The following LGR4 variants were observed in gnomAD, a reference collection of about 807,000 sequenced individuals.
LGR4 encodes the protein leucine rich repeat containing G protein-coupled receptor 4.
In LGR4, 44 loss-of-function variants were observed where a neutral mutation model predicts 84.8. The observed-to-expected ratio is 0.52, with a 90% CI of 0.41 to 0.67. The LOEUF (loss-of-function observed/expected upper bound fraction) is 0.67. LGR4 is among the 30% of genes least tolerant of loss of function. The pLI is 0.00. For missense variants in LGR4, 1,032 were observed against 1,131.4 expected (o/e 0.91, Z 1.26); for synonymous variants, 429 against 434.3 (o/e 0.99, Z 0.15).
Position 27,368,231 on chromosome 11 carries a change from C to T in LGR4, c.2492G>A (p.Ser831Asn), listed in dbSNP as rs760361424. ...KKSGSVSVSISSQGGCLEQDF... is the reference protein window; with the variant it reads ...KKSGSVSVSINSQGGCLEQDF... Reference sequence around the variant, plus strand: ...CTGTTCCAGACAACCACCTTGGCTACTGATGGAAACTGAAACTGATCCACT... The same window carrying T: ...CTGTTCCAGACAACCACCTTGGCTATTGATGGAAACTGAAACTGATCCACT... The change falls in exon 18 of 18, where the codon AGT becomes AAT. Residue 831 changes from serine (S) to asparagine (N), a missense_variant. Coordinates refer to ENST00000379214, the MANE Select transcript of LGR4 (RefSeq NM_018490.5). The T allele has an allele frequency of 1.2e-6, 2 of 1,614,256 alleles. No homozygotes were observed. The highest frequency in any genetic ancestry group is 2.2e-5 in the South Asian group (2 of 91,092).
At chr11:27,432,406 T>C (rs1864130445) in intron 1 of LGR4, among the ~76,000 whole-genome samples, 2 of 152,030 alleles carry the variant, frequency 1.3e-5, no homozygotes, top group African/African-American at 2.4e-5. Flanking sequence ...GGATAAGGAG[T>C]ACAGGAGACT....
At chr11:27,467,653 T>C (rs1864803720) in intron 1 of LGR4, among the ~76,000 whole-genome samples, 1 of 152,094 alleles carries the variant, frequency 6.6e-6, no homozygotes, top group Non-Finnish European at 1.5e-5. Context: ...TTTTACAGAT[T>C]TACAGATGAG....
chr11:27,426,054 G>A (rs966810036), intron 1 of LGR4, among the ~76,000 whole-genome samples: 2 of 152,190 alleles, frequency 1.3e-5, no homozygotes, highest in Middle Eastern at 3.2e-3. Flanking sequence ...AGTAATAGTA[G>A]TAAGTACTTA....
chr11:27,383,122 G>A (rs1008900674), intron 6 of LGR4, among the ~76,000 whole-genome samples: 1 of 152,174 alleles, frequency 6.6e-6, no homozygotes, highest in Non-Finnish European at 1.5e-5. Context: ...TTTTACATTA[G>A]TTAGGAGAAA....
chr11:27,425,743 G>A (rs769750531), intron 1 of LGR4, among the ~76,000 whole-genome samples: 1 of 152,166 alleles, frequency 6.6e-6, no homozygotes, highest in Non-Finnish European at 1.5e-5. Context: ...GGTGGGTTGT[G>A]ATGGGAAGAG....
At chr11:27,393,378 C>T (rs760859125) in intron 2 of LGR4, among the ~76,000 whole-genome samples, 1 of 152,066 alleles carries the variant, frequency 6.6e-6, no homozygotes, top group Non-Finnish European at 1.5e-5. Flanking sequence ...AAACACAGGA[C>T]TCTCCTGGGT....
At chr11:27,422,996 A>T (rs1863950406) in intron 1 of LGR4, among the ~76,000 whole-genome samples, 1 of 152,182 alleles carries the variant, frequency 6.6e-6, no homozygotes, top group Middle Eastern at 3.2e-3. Context: ...ATACATTAAC[A>T]TCGTGACATT....
At chr11:27,469,716 T>C (rs956369584) in intron 1 of LGR4, among the ~76,000 whole-genome samples, 2 of 152,250 alleles carry the variant, frequency 1.3e-5, no homozygotes, top group Non-Finnish European at 2.9e-5. Context: ...CAGAGGTTTT[T>C]GGTTCACATG....
intron 1 of LGR4, among the ~76,000 whole-genome samples, chr11:27,449,755 C>T (rs756741993): frequency 2.0e-5 from 3 of 152,084 alleles, no homozygotes; most frequent in African/African-American, 4.8e-5. Context: ...ATTCAAAGGA[C>T]GTATGTCTAT....
intron 1 of LGR4, among the ~76,000 whole-genome samples, chr11:27,456,726 G>T (rs1864582463): frequency 6.6e-6 from 1 of 152,184 alleles, no homozygotes; most frequent in South Asian, 2.1e-4. Context: ...CATGGGAAAT[G>T]ATGTGAAAGC....
intron 1 of LGR4, among the ~76,000 whole-genome samples, chr11:27,439,897 TTC>T (rs1356657269): frequency 3.7e-4 from 54 of 145,968 alleles, no homozygotes; most frequent in South Asian, 1.1e-3. Context: ...GAGGTAGGAT[TTC>T]TCTTTTTTTT....
chr11:27,385,276 G>A lies in LGR4; in HGVS notation c.594C>T (p.Thr198=). 6.3e-7 allele frequency: 1 copy of A among 1,583,618 alleles called. No individual in the cohort carries two copies. Among genetic ancestry groups the A allele is most frequent in the Non-Finnish European group, 8.6e-7 (1 of 1,162,606 alleles). The part of the protein sequence containing the change: ...KISSIPDFAF[T]NLSSLVVLHL... ...ACAGAACTACCAGGCTTGAAAGGTT[G>A]GTAAATGCAAAGTCAGGGATGCTTG... The change falls in exon 5 of 18, where the codon ACC becomes ACT. Residue 198 remains threonine (T), a synonymous_variant. Transcript: ENST00000379214.
chr11:27,409,558 T>C (rs886536920), intron 2 of LGR4, among the ~76,000 whole-genome samples: 3 of 152,132 alleles, frequency 2.0e-5, no homozygotes, highest in African/African-American at 4.8e-5. Flanking sequence ...GCAAAAACCC[T>C]AGTCTCATTC....
At position 27,376,343 on chromosome 11, in the gene LGR4, T is replaced by C. The variant is rs1376065791; in HGVS notation, c.1137A>G (p.Gln379=). ...GGCCTTGAAAGGTGCCTTCCTTTATTTGGTAGATTTGATTACGCTGTAAAG... is the reference window on the plus strand; with the variant it reads ...GGCCTTGAAAGGTGCCTTCCTTTATCTGGTAGATTTGATTACGCTGTAAAG... ...EISLQRNQIY[Q]IKEGTFQGLI... is the part of the protein sequence containing the mutation. Residue 379 remains glutamine (Q), a synonymous_variant, in exon 13 of 18, where the codon CAA becomes CAG. Transcript: ENST00000379214. 2.5e-6 allele frequency: 4 copies of C among 1,573,812 alleles called. No homozygotes were observed. Among genetic ancestry groups the C allele is most frequent in the Non-Finnish European group, 1.7e-6 (2 of 1,148,590 alleles).
chr11:27,373,789 G>C, intron 14 of LGR4, 113 bp from the exon 15 acceptor site: 1 of 1,122,030 alleles, frequency 8.9e-7, no homozygotes, highest in Non-Finnish European at 1.3e-6. Context: ...TTCAAGTGGG[G>C]GTGCTAAAAT....
chr11:27,392,575 T>G, intron 2 of LGR4, 57 bp from the exon 3 acceptor site: 1 of 1,425,598 alleles, frequency 7.0e-7, no homozygotes, highest in Admixed American at 2.5e-5. Flanking sequence ...GACTTAAAAT[T>G]CAGAACTTAC....
At position 27,472,567 on chromosome 11, in the gene LGR4, G is replaced by T; in HGVS notation, c.-265C>A. On this transcript the variant is annotated 5_prime_UTR_variant, in exon 1 of 18. Coordinates refer to ENST00000379214, the MANE Select transcript of LGR4 (RefSeq NM_018490.5). ...CGGCTCACGCCAGCCGGGCCGGCCC[G>T]GCGCAGCGGCGGGGGCCGCGCTCTG... 1 of 378,818 alleles carries T rather than the reference G, an allele frequency of 2.6e-6. No homozygotes were observed. Among genetic ancestry groups the T allele is most frequent in the Non-Finnish European group, 4.7e-6 (1 of 213,180 alleles). The allele number at this position is 378,818 out of a possible 1,614,324, so 23.5% of individuals were successfully genotyped here.
intron 1 of LGR4, among the ~76,000 whole-genome samples, chr11:27,435,994 C>T (rs1301524810): frequency 2.6e-5 from 4 of 151,984 alleles, no homozygotes; most frequent in Admixed American, 6.6e-5. Flanking sequence ...TCACTGCAAG[C>T]TCCGCCTCCT....
At position 27,412,051 on chromosome 11, in the gene LGR4, C is replaced by T. The variant is rs540674103; in HGVS notation, c.257+738G>A. On this transcript the variant is annotated intron_variant, in intron 2 of 17. Coordinates refer to ENST00000379214, the MANE Select transcript of LGR4 (RefSeq NM_018490.5). ...AAGCCTATATTAACTTAATTCAAGT[C>T]GATTTTATTTTTTCACTGGGATTCT... is the stretch of plus-strand genomic sequence containing the variant. 3.9e-5 allele frequency among the ~76,000 whole-genome samples: 6 copies of T among 152,106 alleles called. No individual in the cohort carries two copies. In the East Asian group the frequency reaches 7.7e-4, roughly 20 times the overall value.
Sources: gnomAD v4.1 joint callset for allele counts (sites outside exome capture counted in the v4.1 genomes callset) on GRCh38, gnomAD v4.1.1 for gene constraint, MANE v1.5 for transcripts, NCBI Gene and HGNC (gene_info 2026-07-23, HGNC 2026-07-21) for gene names.